The following USP8 variants were observed in gnomAD, a reference collection of about 807,000 sequenced individuals.
USP8 encodes ubiquitin carboxyl-terminal hydrolase 8.
Under a neutral mutation model 130.0 loss-of-function variants are expected in USP8, and 27 were observed. The observed-to-expected ratio is 0.21, with a 90% CI of 0.15 to 0.29. The LOEUF is 0.29. Among genes scored for constraint, USP8 ranks in the 10% least tolerant of loss-of-function variants. The probability of loss-of-function intolerance (pLI) is 1.00; values close to 1 mark genes in which losing one functional copy is unlikely to be tolerated. For missense variants in USP8, 1,029 were observed against 1,312.2 expected (o/e 0.78, Z 3.33); for synonymous variants, 392 against 444.1 (o/e 0.88, Z 1.48).
At chr15:50,483,948 G>A (rs970438658) in intron 11 of USP8, among the ~76,000 whole-genome samples, 7 of 151,978 alleles carry the variant, frequency 4.6e-5, no homozygotes, top group Non-Finnish European at 1.0e-4. Flanking sequence ...AATCGTAATA[G>A]TATTTAAATA....
chr15:50,433,325 C>G (rs1013052369), intron 1 of USP8, among the ~76,000 whole-genome samples: 1 of 151,982 alleles, frequency 6.6e-6, no homozygotes, highest in Admixed American at 6.6e-5. Flanking sequence ...TTTAAGACAG[C>G]GAGAAGATAC....
At chr15:50,438,986 A>G (rs1595904117) in intron 1 of USP8, 23 bp from the exon 2 acceptor site, 4 of 958,546 alleles carry the variant, frequency 4.2e-6, no homozygotes, top group Non-Finnish European at 4.7e-6. Flanking sequence ...GAAAATTAGT[A>G]TAATTATTTG....
At chr15:50,431,021 C>T (rs545010370) in intron 1 of USP8, among the ~76,000 whole-genome samples, 1 of 152,292 alleles carries the variant, frequency 6.6e-6, no homozygotes, top group Admixed American at 6.5e-5. Flanking sequence ...CCTCTCACAA[C>T]AAATGTTTAT....
chr15:50,433,380 A>G (rs956547363), intron 1 of USP8, among the ~76,000 whole-genome samples: 45 of 152,314 alleles, frequency 3.0e-4, no homozygotes, highest in Non-Finnish European at 3.4e-4. Context: ...ATAGAGAGAG[A>G]TGGTGGGTGA....
rs2052736528 is a variant in USP8, at chr15:50,511,279, C to T, written c.*12191C>T. 1 of 152,088 alleles carries T rather than the reference C, an allele frequency of 6.6e-6. No individual in the cohort carries two copies. The highest frequency in any genetic ancestry group is 1.5e-5 in the Non-Finnish European group (1 of 68,012). 9.4% of individuals were successfully genotyped at this position (152,088 alleles called of 1,614,324 possible). Reference sequence around the variant, plus strand: ...AAAAAATGAGAGGCAGTAACAAGTTCGGTTGAGGATGTGGGGAAACTGGAA... The same window carrying T: ...AAAAAATGAGAGGCAGTAACAAGTTTGGTTGAGGATGTGGGGAAACTGGAA... On this transcript the variant is annotated 3_prime_UTR_variant, in exon 20 of 20. Coordinates refer to ENST00000307179, the MANE Select transcript of USP8 (RefSeq NM_005154.5).
rs371788580 is a variant in USP8 at position 50,477,292 on chromosome 15, C to T, written c.1011C>T (p.Pro337=). 3 of 1,612,042 alleles carry T rather than the reference C, an allele frequency of 1.9e-6. No individual in the cohort carries two copies. Among genetic ancestry groups the T allele is most frequent in the Admixed American group, 3.4e-5 (2 of 59,418 alleles). The change falls in exon 10 of 20, where the codon CCC becomes CCT. Residue 337 remains proline, a synonymous_variant. Coordinates refer to ENST00000307179, the MANE Select transcript of USP8 (RefSeq NM_005154.5). The stretch of plus-strand genomic sequence containing the variant: ...GAATTTTAGTGGATTTTACTTATCC[C>T]TCATTGGAAGAATCAATTCCTTCTA... ...EVSISLDFTY[P]SLEESIPSKP...
At chr15:50,458,943 T>G in intron 4 of USP8, 57 bp from the exon 5 acceptor site, 1 of 1,602,600 alleles carries the variant, frequency 6.2e-7, no homozygotes, top group Non-Finnish European at 8.5e-7. Context: ...CTGAAACTCC[T>G]TTAATTTCCA....
intron 1 of USP8, among the ~76,000 whole-genome samples, chr15:50,428,639 T>G (rs1367577280): frequency 6.6e-6 from 1 of 152,212 alleles, no homozygotes; most frequent in Non-Finnish European, 1.5e-5. Context: ...CAATATAGTG[T>G]AATAAAAGTT....
intron 4 of USP8, among the ~76,000 whole-genome samples, chr15:50,458,335 G>A (rs183789900): frequency 3.3e-3 from 501 of 152,250 alleles, no homozygotes; most frequent in Non-Finnish European, 5.9e-3. Context: ...ATATTTAGTA[G>A]AGATGGGATT....
intron 4 of USP8, among the ~76,000 whole-genome samples, chr15:50,452,044 C>G (rs2050644142): frequency 6.6e-6 from 1 of 152,188 alleles, no homozygotes; most frequent in Non-Finnish European, 1.5e-5. Context: ...CGCATGGTCC[C>G]AGGTGCGGCC....
Position 50,507,152 on chromosome 15 carries a change from A to C in USP8, c.*8064A>C, listed in dbSNP as rs1330873916. ...ACAAAAATTAGCTGGGTCTGGTGGCACATGCCAGTAATCCCAACTACTTGG... is the reference window on the plus strand; with the variant it reads ...ACAAAAATTAGCTGGGTCTGGTGGCCCATGCCAGTAATCCCAACTACTTGG... On this transcript the variant is annotated 3_prime_UTR_variant, in exon 20 of 20. Transcript: ENST00000307179. 1.3e-5 allele frequency: 2 copies of C among 152,310 alleles called. No individual in the cohort carries two copies. The highest frequency in any genetic ancestry group is 4.8e-5 in the African/African-American group (2 of 41,450). 9.4% of individuals were successfully genotyped at this position (152,310 alleles called of 1,614,324 possible).
In USP8 at chr15:50,462,299, A is replaced by G; in HGVS notation, c.518A>G (p.Glu173Gly). 6.2e-7 allele frequency: 1 copy of G among 1,602,690 alleles called. No homozygotes were observed. The highest frequency in any genetic ancestry group is 1.1e-5 in the South Asian group (1 of 87,742). ...CAATAGAGCAATGGTGAAAAGAATG[A>G]AAAATGTGAGACCAAAGAGAAAGGT... is the stretch of plus-strand genomic sequence containing the variant. ...KTQKSNGEKN[E>G]KCETKEKGAI... The change falls in exon 6 of 20, where the codon GAA (glutamate) becomes GGA (glycine). Residue 173 changes from glutamate (E) to glycine (G), a missense_variant. Glu to Gly is a moderately conservative substitution (Grantham distance 98). Around this residue, in one of 4 missense-constraint regions of USP8, gnomAD observed 281 missense variants for 336.7 expected, o/e 0.83. Transcript: ENST00000307179.
At chr15:50,437,099 T>C (rs1404261853) in intron 1 of USP8, among the ~76,000 whole-genome samples, 1 of 152,240 alleles carries the variant, frequency 6.6e-6, no homozygotes, top group Non-Finnish European at 1.5e-5. Context: ...TATTTATGTA[T>C]GTTGCATTGC....
At chr15:50,476,431 C>T (rs2051570121) in intron 8 of USP8, among the ~76,000 whole-genome samples, 1 of 152,134 alleles carries the variant, frequency 6.6e-6, no homozygotes, top group Non-Finnish European at 1.5e-5. Flanking sequence ...CCTTGTCAAT[C>T]AGTCAACCAG....
chr15:50,447,508 T>C (rs1216968217), intron 3 of USP8, among the ~76,000 whole-genome samples: 1 of 152,172 alleles, frequency 6.6e-6, no homozygotes, highest in Non-Finnish European at 1.5e-5. Context: ...CCCAATGTGC[T>C]GGGATTACAT....
chr15:50,459,286 T>A (rs2050900183), intron 5 of USP8, 124 bp downstream of exon 5: 1 of 1,329,798 alleles, frequency 7.5e-7, no homozygotes, highest in African/African-American at 1.5e-5. Context: ...AATGTTTTAA[T>A]TAGAAATTTA....
chr15:50,454,543 C>T (rs2050729180), intron 4 of USP8, among the ~76,000 whole-genome samples: 1 of 151,158 alleles, frequency 6.6e-6, no homozygotes, highest in African/African-American at 2.4e-5. Context: ...GCAGCCTCCA[C>T]CTCCTGGGTT....
chr15:50,465,160 C>G lies in USP8; in HGVS notation c.655C>G (p.Leu219Val). The change falls in exon 7 of 20, where the codon CTC (leucine) becomes GTC (valine). Residue 219 changes from leucine to valine, a missense_variant. Around this residue, in one of 4 missense-constraint regions of USP8, gnomAD observed 281 missense variants for 336.7 expected, o/e 0.83. Transcript: ENST00000307179. Reference sequence around the variant, plus strand: ...TCAGGATTCCTGTATTTTACATTCTCTCAGTGTTCCTGAAGAAGCCATCAG... The same window carrying G: ...TCAGGATTCCTGTATTTTACATTCTGTCAGTGTTCCTGAAGAAGCCATCAG... The part of the protein sequence containing the change: ...DYQDSCILHS[L>V]SVPEEAISPG... The G allele has an allele frequency of 1.9e-6, 3 of 1,613,848 alleles. No homozygotes were observed. Among genetic ancestry groups the G allele is most frequent in the Non-Finnish European group, 2.5e-6 (3 of 1,179,846 alleles).
At chr15:50,486,779 G>A (rs1419799053) in intron 12 of USP8, among the ~76,000 whole-genome samples, 3 of 152,262 alleles carry the variant, frequency 2.0e-5, no homozygotes, top group Non-Finnish European at 2.9e-5. Flanking sequence ...ACTACAAATA[G>A]GGTGCAGTGT....
Sources: allele counts gnomAD v4.1 joint callset (sites outside exome capture counted in the v4.1 genomes callset), GRCh38; gene constraint gnomAD v4.1.1; regional missense constraint gnomAD v4.1.1; transcripts MANE v1.5; gene names NCBI Gene and HGNC (gene_info 2026-07-23, HGNC 2026-07-21).